The following NOL10 variants were observed in gnomAD, a reference collection of about 807,000 sequenced individuals.
NOL10 encodes the protein H_NH0074G24.1.
A neutral mutation model predicts 103.5 loss-of-function variants in NOL10; 58 were observed. The observed-to-expected ratio is 0.56, with a 90% CI of 0.45 to 0.70. The LOEUF is 0.70. NOL10 is among the 30% of genes least tolerant of loss of function. NOL10 has a pLI of 0.00. For synonymous variants in NOL10, 287 were observed against 282.5 expected, an observed-to-expected ratio of 1.02 and a Z score of -0.16; for missense variants, 763 against 807.3, an observed-to-expected ratio of 0.95 and a Z score of 0.67.
intron 13 of NOL10, among the ~76,000 whole-genome samples, chr2:10,612,918 A>G (rs1676646322): frequency 6.6e-6 from 1 of 151,648 alleles, no homozygotes; most frequent in Non-Finnish European, 1.5e-5. Context: ...GGTCCCAGCT[A>G]TTCCTGAGGC....
At position 10,575,366 on chromosome 2, in the gene NOL10, G is replaced by A. The variant is rs187988764; in HGVS notation, c.1947+2270C>T. 1.2e-4 allele frequency among the ~76,000 whole-genome samples: 19 copies of A among 152,286 alleles called. No individual in the cohort carries two copies. The East Asian group carries it at 3.5e-3, about 28-fold the overall frequency. ...GCATATCTAACCTGCAGTATAAAAA[G>A]AGACTTCTATGAACAACTGCCCGAA... On this transcript the variant is annotated intron_variant, in intron 20 of 20. Transcript: ENST00000381685.
intron 17 of NOL10, among the ~76,000 whole-genome samples, chr2:10,596,648 G>A (rs1043078151): frequency 6.6e-6 from 1 of 152,126 alleles, no homozygotes; most frequent in Non-Finnish European, 1.5e-5. Flanking sequence ...TTCACCTCCT[G>A]GTGTGCGGCC....
chr2:10,661,660 C>T (rs1285759530), intron 9 of NOL10, among the ~76,000 whole-genome samples: 8 of 152,052 alleles, frequency 5.3e-5, no homozygotes, highest in Admixed American at 4.6e-4. Flanking sequence ...TGTGAGCCAC[C>T]GTGCCTGGTC....
At chr2:10,618,508 G>A (rs147879068) in intron 13 of NOL10, among the ~76,000 whole-genome samples, 190 of 152,300 alleles carry the variant, frequency 1.2e-3, no homozygotes, top group African/African-American at 4.4e-3. Context: ...TACCATAAGC[G>A]ATTGGCTCTG....
chr2:10,589,252 T>C lies in NOL10; in HGVS notation c.1635A>G (p.Ala545=). The change falls in exon 19 of 21, where the codon GCA becomes GCG. Residue 545 remains alanine (A), a synonymous_variant. Coordinates refer to ENST00000381685, the MANE Select transcript of NOL10 (RefSeq NM_024894.4). The stretch of plus-strand genomic sequence containing the variant: ...CATCATCTGAACTCTCCGAACTTTC[T>C]GCATCACTTGGTTTTCCTTCCGGCT... The part of the protein sequence containing the change: ...EEEPEGKPSD[A]ESSESSDDEK... 3 of 1,613,956 alleles carry C rather than the reference T, an allele frequency of 1.9e-6. No homozygotes were observed. The highest frequency in any genetic ancestry group is 2.5e-6 in the Non-Finnish European group (3 of 1,179,876).
chr2:10,587,230 T>TATAC (rs1675141795), intron 19 of NOL10, among the ~76,000 whole-genome samples: 2 of 37,456 alleles, frequency 5.3e-5, no homozygotes, highest in Non-Finnish European at 9.1e-5. Flanking sequence ...TATATATACA[T>TATAC]ATATATATAC....
chr2:10,642,999 A>G (rs1348364780), intron 13 of NOL10, among the ~76,000 whole-genome samples: 1 of 152,230 alleles, frequency 6.6e-6, no homozygotes, highest in Non-Finnish European at 1.5e-5. Context: ...ATCGTTCCCA[A>G]CACACAGTTG....
intron 13 of NOL10, among the ~76,000 whole-genome samples, chr2:10,642,735 C>T (rs944786225): frequency 2.0e-5 from 3 of 152,260 alleles, no homozygotes; most frequent in South Asian, 2.1e-4. Flanking sequence ...TTCACCCAGT[C>T]GACGCAGCTA....
At chr2:10,598,756 G>A (rs1472286542) in intron 17 of NOL10, among the ~76,000 whole-genome samples, 5 of 151,984 alleles carry the variant, frequency 3.3e-5, no homozygotes, top group Non-Finnish European at 5.9e-5. Context: ...AGTTTAGGAG[G>A]AGAAAAAAGT....
At chr2:10,685,504 C>A (rs1158044472) in intron 1 of NOL10, among the ~76,000 whole-genome samples, 1 of 13,790 alleles carries the variant, frequency 7.3e-5, no homozygotes, top group Non-Finnish European at 2.3e-4. Flanking sequence ...CCCCCCCCCC[C>A]CCCGCCAAAA....
At chr2:10,647,456 T>C (rs1471467536) in intron 12 of NOL10, among the ~76,000 whole-genome samples, 1 of 152,256 alleles carries the variant, frequency 6.6e-6, no homozygotes, top group African/African-American at 2.4e-5. Flanking sequence ...AAATGTGTGA[T>C]CATTTTCCTA....
In NOL10 at chr2:10,643,421, T is replaced by G. The variant is rs1026599400; in HGVS notation, c.1026+899A>C. 5.3e-5 allele frequency among the ~76,000 whole-genome samples: 8 copies of G among 152,332 alleles called. No individual in the cohort carries two copies. The South Asian group carries it at 1.5e-3, about 28-fold the overall frequency. The stretch of plus-strand genomic sequence containing the variant: ...TCTCAAATCTCAGGTAAGGGAGATG[T>G]CTGCTGAGTATAAAGTAATCTAATG... On this transcript the variant is annotated intron_variant, in intron 13 of 20. Transcript: ENST00000381685.
At chr2:10,588,620 G>C (rs963904679) in intron 19 of NOL10, among the ~76,000 whole-genome samples, 3 of 152,116 alleles carry the variant, frequency 2.0e-5, no homozygotes, top group Non-Finnish European at 2.9e-5. Flanking sequence ...TGTCCAAAAG[G>C]CTTCAAACCA....
intron 8 of NOL10, among the ~76,000 whole-genome samples, chr2:10,666,526 G>A (rs557320683): frequency 2.6e-5 from 4 of 152,074 alleles, no homozygotes; most frequent in South Asian, 2.1e-4. Flanking sequence ...ACGGTGTTTC[G>A]CCATATTGGC....
At chr2:10,622,886 T>C (rs1677229872) in intron 13 of NOL10, among the ~76,000 whole-genome samples, 1 of 152,082 alleles carries the variant, frequency 6.6e-6, no homozygotes, top group Admixed American at 6.5e-5. Context: ...TGGCCAAAAC[T>C]GAATTTAGTA....
At chr2:10,599,185 C>T (rs1416065105) in intron 17 of NOL10, among the ~76,000 whole-genome samples, 1 of 152,222 alleles carries the variant, frequency 6.6e-6, no homozygotes, top group Non-Finnish European at 1.5e-5. Context: ...TAAATTGTAA[C>T]TTAAGTATTC....
In NOL10 at chr2:10,570,806, A is replaced by G. The variant is rs1235487677; in HGVS notation, c.*1265T>C. 1 of 151,652 alleles carries G rather than the reference A, an allele frequency of 6.6e-6. No homozygotes were observed. Among genetic ancestry groups the G allele is most frequent in the Admixed American group, 6.6e-5 (1 of 15,212 alleles). 9.4% of individuals were successfully genotyped at this position (151,652 alleles called of 1,614,324 possible). A position where few individuals can be genotyped will look rare whatever the true frequency, so the allele number is the denominator to read the frequency against. On this transcript the variant is annotated 3_prime_UTR_variant, in exon 21 of 21. Coordinates refer to ENST00000381685, the MANE Select transcript of NOL10 (RefSeq NM_024894.4). The stretch of plus-strand genomic sequence containing the variant: ...ATTTATTTTTATAAATGTTTCCTCC[A>G]GTAAGTTTATGTTTGACTGTACTTA...
intron 13 of NOL10, 32 bp from the exon 14 acceptor site, chr2:10,607,343 C>T: frequency 6.4e-7 from 1 of 1,566,646 alleles, no homozygotes; most frequent in South Asian, 1.2e-5. Flanking sequence ...TCAGCAAAGG[C>T]ACAGTTTACC....
intron 13 of NOL10, among the ~76,000 whole-genome samples, chr2:10,629,851 CTAAA>C (rs1677722721): frequency 6.6e-6 from 1 of 152,226 alleles, no homozygotes; most frequent in Non-Finnish European, 1.5e-5. Context: ...CTTCTAAAAG[CTAAA>C]TAAAAGTCCA....
Sources: gnomAD v4.1 joint callset for allele counts (sites outside exome capture counted in the v4.1 genomes callset) on GRCh38, gnomAD v4.1.1 for gene constraint, MANE v1.5 for transcripts, NCBI Gene and HGNC (gene_info 2026-07-23, HGNC 2026-07-21) for gene names.